SYNE2: variants seen among roughly 807,000 people sequenced by gnomAD.
SYNE2 encodes spectrin repeat containing nuclear envelope protein 2, also known as nesprin-2.
SYNE2 carries 431 observed loss-of-function variants against 856.3 expected under a neutral mutation model. The observed-to-expected ratio is 0.50, with a 90% CI of 0.47 to 0.55. SYNE2 has a LOEUF of 0.55. Among genes scored for constraint, SYNE2 ranks in the 20% least tolerant of loss-of-function variants. The probability of loss-of-function intolerance (pLI) is 0.00; values close to 1 mark genes in which losing one functional copy is unlikely to be tolerated. For synonymous variants in SYNE2, 2,923 were observed against 2,872.3 expected, an observed-to-expected ratio of 1.02 and a Z score of -0.56; for missense variants, 8,129 against 8,023.2, an observed-to-expected ratio of 1.01 and a Z score of -0.50.
At chr14:64,219,118 T>TTTC (rs1418203099) in intron 109 of SYNE2, 90 bp from the exon 110 acceptor site, 1 of 991,394 alleles carries the variant, frequency 1.0e-6, no homozygotes, top group African/African-American at 1.7e-5. Context: ...TTTTTTTTTT[T>TTTC]TTTTTTAACC....
rs1454168716 is a variant in SYNE2 at position 64,000,723 on chromosome 14, A to G, written c.3638+4A>G. 1 of 1,610,162 alleles carries G rather than the reference A, an allele frequency of 6.2e-7. No homozygotes were observed. Among genetic ancestry groups the G allele is most frequent in the Non-Finnish European group, 8.5e-7 (1 of 1,178,414 alleles). On this transcript the variant is annotated splice_donor_region_variant and intron_variant, in intron 28 of 115. Transcript: ENST00000555002. ...TTCAGATGACTCTTAATACCAGGTAAAATTCTGAGATCTATTAACTATGAA... is the reference window on the plus strand; with the variant it reads ...TTCAGATGACTCTTAATACCAGGTAGAATTCTGAGATCTATTAACTATGAA...
At chr14:64,039,324 G>C (rs973605377) in intron 45 of SYNE2, among the ~76,000 whole-genome samples, 1 of 152,234 alleles carries the variant, frequency 6.6e-6, no homozygotes, top group Non-Finnish European at 1.5e-5. Context: ...GATAGTGAAG[G>C]TTACTGACTT....
intron 1 of SYNE2, among the ~76,000 whole-genome samples, chr14:63,884,609 G>A (rs779674670): frequency 3.3e-5 from 5 of 152,102 alleles, no homozygotes; most frequent in South Asian, 2.1e-4. Flanking sequence ...AGTTGTCCAC[G>A]TGGATGGAAT....
intron 25 of SYNE2, 146 bp from the exon 26 acceptor site, chr14:63,998,073 G>T (rs2096726736): frequency 1.4e-6 from 1 of 701,930 alleles, no homozygotes; most frequent in Non-Finnish European, 2.6e-6. Flanking sequence ...ACTTTTCTCT[G>T]AGCTGAGACA....
intron 2 of SYNE2, among the ~76,000 whole-genome samples, chr14:63,918,432 G>A (rs1276168218): frequency 6.6e-6 from 1 of 152,132 alleles, no homozygotes; most frequent in East Asian, 1.9e-4. Context: ...ATATGTATGA[G>A]AGCCACAGTT....
At chr14:64,159,253 C>T in intron 86 of SYNE2, 59 bp from the exon 87 acceptor site, 2 of 1,609,228 alleles carry the variant, frequency 1.2e-6, no homozygotes, top group Admixed American at 3.3e-5. Context: ...GAAGCTGCCA[C>T]CTTCTTTGGA....
intron 1 of SYNE2, among the ~76,000 whole-genome samples, chr14:63,776,982 T>C (rs1268673279): frequency 6.6e-6 from 1 of 152,346 alleles, no homozygotes; most frequent in Admixed American, 6.5e-5. Context: ...AAATACATTG[T>C]TATTTAATTT....
chr14:64,124,050 C>T (rs528620046), intron 70 of SYNE2, among the ~76,000 whole-genome samples: 51 of 152,146 alleles, frequency 3.4e-4, no homozygotes, highest in African/African-American at 1.1e-3. Context: ...ACTAAAAATA[C>T]GAAAATTAGC....
chr14:64,222,554 A>T (rs940125346), intron 112 of SYNE2, among the ~76,000 whole-genome samples: 2 of 152,152 alleles, frequency 1.3e-5, no homozygotes, highest in African/African-American at 4.8e-5. Context: ...AAAATACAAA[A>T]TAAAATAAAA....
chr14:63,963,264 C>G lies in SYNE2; in HGVS notation c.889-635C>G, dbSNP rs1399569183. Among the ~76,000 whole-genome samples the G allele has an allele frequency of 3.9e-5, 6 of 152,198 alleles. No individual in the cohort carries two copies. In the East Asian group the frequency reaches 1.2e-3, roughly 29 times the overall value. On this transcript the variant is annotated intron_variant, in intron 9 of 115. Coordinates refer to ENST00000555002, the MANE Select transcript of SYNE2 (RefSeq NM_182914.3). The stretch of plus-strand genomic sequence containing the variant: ...TATTAAAAAAATAAAATGAAAGATT[C>G]AACTGTCCATGAAATTGAGTGCAAA...
At chr14:64,160,919 G>A (rs1414967676) in intron 87 of SYNE2, among the ~76,000 whole-genome samples, 1 of 151,272 alleles carries the variant, frequency 6.6e-6, no homozygotes, top group Non-Finnish European at 1.5e-5. Context: ...TACTAAACAG[G>A]AATTAAACTA....
Position 64,167,298 on chromosome 14 carries a change from G to A in SYNE2, c.16671G>A (p.Lys5557=). The part of the protein sequence containing the change: ...DIEHLNEVSL[K]LPLSDVAVKT... ...AACATTTGAATGAAGTGAGCCTCAAGCTCCCACTTAGTGACGTAGCTGTGA... is the reference window on the plus strand; with the variant it reads ...AACATTTGAATGAAGTGAGCCTCAAACTCCCACTTAGTGACGTAGCTGTGA... The change falls in exon 91 of 116, where the codon AAG becomes AAA. Residue 5557 remains lysine (K), a synonymous_variant. Transcript: ENST00000555002. 6.2e-7 allele frequency: 1 copy of A among 1,614,208 alleles called. No homozygotes were observed. Among genetic ancestry groups the A allele is most frequent in the Non-Finnish European group, 8.5e-7 (1 of 1,180,034 alleles).
chr14:63,870,523 C>T (rs527540031), intron 1 of SYNE2, among the ~76,000 whole-genome samples: 2 of 129,724 alleles, frequency 1.5e-5, no homozygotes, highest in South Asian at 5.7e-4. Context: ...GTGTACTGCA[C>T]CCTTGAACTG....
intron 41 of SYNE2, 139 bp downstream of exon 41, chr14:64,025,560 CT>C (rs2096971222): frequency 2.3e-6 from 2 of 866,136 alleles, no homozygotes; most frequent in Admixed American, 5.5e-5. Context: ...GATCACTGAG[CT>C]TACAAAAAAG....
rs749732388 is a variant in SYNE2, at chr14:64,053,303, T to C, written c.9390T>C (p.Asn3130=). 6 of 1,608,270 alleles carry C rather than the reference T, an allele frequency of 3.7e-6. No individual in the cohort carries two copies. In the African/African-American group the frequency reaches 5.4e-5, roughly 14 times the overall value. The part of the protein sequence containing the change: ...ILQIKLNAEE[N]DKLYKVLQNM... ...AAATAAAGCTGAATGCAGAAGAAAA[T>C]GATAAGTTATACAAAGTTCTCCAAA... The change falls in exon 48 of 116, where the codon AAT becomes AAC. Residue 3130 remains asparagine, a synonymous_variant. Transcript: ENST00000555002.
At chr14:63,990,729 GAA>G (rs2096660184) in intron 20 of SYNE2, among the ~76,000 whole-genome samples, 160 bp downstream of exon 20, 1 of 152,014 alleles carries the variant, frequency 6.6e-6, no homozygotes, top group African/African-American at 2.4e-5. Context: ...AAGCGTATCA[GAA>G]AATATAAGTA....
At position 64,052,605 on chromosome 14, in the gene SYNE2, C is replaced by A. The variant is rs373968889; in HGVS notation, c.8692C>A (p.Leu2898Ile). The A allele has an allele frequency of 8.7e-6, 14 of 1,613,948 alleles. No homozygotes were observed. The highest frequency in any genetic ancestry group is 1.2e-5 in the Non-Finnish European group (14 of 1,180,018). ...DSGISTHLQE[L>I]TNIYEELNVF... ...TGGAATCTCAACACATCTTCAGGAG[C>A]TAACAAACATCTATGAGGAGCTGAA... The change falls in exon 48 of 116, where the codon CTA becomes ATA. Residue 2898 changes from leucine to isoleucine, a missense_variant. Coordinates refer to ENST00000555002, the MANE Select transcript of SYNE2 (RefSeq NM_182914.3).
Position 64,225,849 on chromosome 14 carries a change from T to A in SYNE2, c.*323T>A. ...CTGGTTTGTTTGTAAAACAGCATTA[T>A]TATAATGTAGGTATGGTCAATGAGC... On this transcript the variant is annotated 3_prime_UTR_variant, in exon 116 of 116. Coordinates refer to ENST00000555002, the MANE Select transcript of SYNE2 (RefSeq NM_182914.3). The A allele has an allele frequency of 1.7e-6, 1 of 580,714 alleles. No homozygotes were observed. The highest frequency in any genetic ancestry group is 3.1e-6 in the Non-Finnish European group (1 of 325,550). The allele number at this position is 580,714 out of a possible 1,614,324, so 36.0% of individuals were successfully genotyped here.
intron 1 of SYNE2, among the ~76,000 whole-genome samples, chr14:63,826,193 G>T (rs1269020160): frequency 6.6e-6 from 1 of 152,086 alleles, no homozygotes; most frequent in Non-Finnish European, 1.5e-5. Flanking sequence ...TGGCATAAAG[G>T]CAGATACATA....
Sources: gnomAD v4.1 joint callset for allele counts (sites outside exome capture counted in the v4.1 genomes callset) on GRCh38, gnomAD v4.1.1 for gene constraint, MANE v1.5 for transcripts, NCBI Gene and HGNC (gene_info 2026-07-23, HGNC 2026-07-21) for gene names.